SYNE2: variants seen among roughly 807,000 people sequenced by gnomAD.
SYNE2 encodes the protein nesprin-2.
A neutral mutation model predicts 856.3 loss-of-function variants in SYNE2; 431 were observed. The ratio of observed to expected loss-of-function variants is 0.50; its 90% CI spans 0.47 to 0.55. The LOEUF (loss-of-function observed/expected upper bound fraction) is 0.55, where lower values mean the gene tolerates loss of function less well. SYNE2 is among the 20% of genes least tolerant of loss of function. The probability of loss-of-function intolerance (pLI) is 0.00; values close to 1 mark genes in which losing one functional copy is unlikely to be tolerated. For synonymous variants in SYNE2, 2,923 were observed against 2,872.3 expected (o/e 1.02, Z -0.56); for missense variants, 8,129 against 8,023.2 (o/e 1.01, Z -0.50).
At chr14:64,125,339 A>G in intron 71 of SYNE2, 129 bp downstream of exon 71, 1 of 1,343,288 alleles carries the variant, frequency 7.4e-7, no homozygotes, top group Non-Finnish European at 1.0e-6. Context: ...GGGTCCTAGG[A>G]TTGCAAATTG....
chr14:64,100,526 AAAAAAAT>A (rs1478114082), intron 63 of SYNE2, among the ~76,000 whole-genome samples: 2 of 76,328 alleles, frequency 2.6e-5, no homozygotes, highest in Non-Finnish European at 4.6e-5. Context: ...AAAAAAAAAA[AAAAAAAT>A]ATATATATAT....
chr14:63,872,158 C>G (rs926901397), intron 1 of SYNE2, among the ~76,000 whole-genome samples: 1 of 152,194 alleles, frequency 6.6e-6, no homozygotes, highest in East Asian at 1.9e-4. Flanking sequence ...CAGCTTGGTG[C>G]GGTGGCTCAT....
Position 64,101,972 on chromosome 14 carries a change from C to T in SYNE2, c.12422C>T (p.Ser4141Phe). The T allele has an allele frequency of 6.2e-7, 1 of 1,614,096 alleles. No individual in the cohort carries two copies. Among genetic ancestry groups the T allele is most frequent in the Non-Finnish European group, 8.5e-7 (1 of 1,179,968 alleles). ...EKAEPSPQSW[S>F]SLWKHDKDME... ...GCAGAGCCATCGCCTCAGTCTTGGT[C>T]TTCACTTTGGAAGCATGACAAGGAC... Residue 4141 changes from serine to phenylalanine, a missense_variant, in exon 64 of 116, where the codon TCT (serine) becomes TTT (phenylalanine). Ser to Phe is a radical substitution (Grantham distance 155). Coordinates refer to ENST00000555002, the MANE Select transcript of SYNE2 (RefSeq NM_182914.3).
At chr14:63,844,045 A>T (rs1389842932) in intron 1 of SYNE2, among the ~76,000 whole-genome samples, 1 of 152,208 alleles carries the variant, frequency 6.6e-6, no homozygotes, top group Non-Finnish European at 1.5e-5. Context: ...TGCAAAGTCT[A>T]TAGTTTACAT....
At chr14:64,050,014 C>T (rs751814816) in intron 47 of SYNE2, 138 bp downstream of exon 47, 7 of 1,088,532 alleles carry the variant, frequency 6.4e-6, no homozygotes, top group South Asian at 3.2e-5. Context: ...AATGTTATTT[C>T]ATATGGATGC....
rs768422375 is a variant in SYNE2, at chr14:64,224,998, G to T, written c.20470-1G>T. The T allele has an allele frequency of 6.2e-7, 1 of 1,613,642 alleles. No individual in the cohort carries two copies. The highest frequency in any genetic ancestry group is 1.3e-5 in the African/African-American group (1 of 74,858). On this transcript the variant is annotated splice_acceptor_variant, in intron 114 of 115. Transcript: ENST00000555002. LOFTEE classifies it high-confidence loss of function. The stretch of plus-strand genomic sequence containing the variant: ...CTAACTGGAGTTTCTTTACCCAGCA[G>T]TTCAGAGCAGTGAGAACTACAGAAG...
At chr14:63,763,905 A>C (rs1455261199) in intron 1 of SYNE2, among the ~76,000 whole-genome samples, 2 of 152,122 alleles carry the variant, frequency 1.3e-5, no homozygotes, top group Non-Finnish European at 2.9e-5. Flanking sequence ...TCAAGGGTTC[A>C]CCTGAAGCGA....
intron 99 of SYNE2, among the ~76,000 whole-genome samples, chr14:64,195,935 C>G (rs1468312905): frequency 6.6e-6 from 1 of 152,180 alleles, no homozygotes; most frequent in Non-Finnish European, 1.5e-5. Flanking sequence ...CCTTCTGCCT[C>G]TAGAATGGGT....
intron 55 of SYNE2, among the ~76,000 whole-genome samples, chr14:64,080,072 CGT>C (rs998860528): frequency 2.0e-4 from 30 of 151,448 alleles, no homozygotes; most frequent in African/African-American, 7.1e-4. Context: ...TGTGCGCGTG[CGT>C]GTGTGTGTAT....
At chr14:63,891,392 A>T (rs1028934934) in intron 1 of SYNE2, among the ~76,000 whole-genome samples, 1 of 152,164 alleles carries the variant, frequency 6.6e-6, no homozygotes, top group African/African-American at 2.4e-5. Flanking sequence ...GGTGACTAGG[A>T]AATGTGTGAT....
At chr14:64,089,814 G>A (rs2097593950) in intron 59 of SYNE2, 118 bp downstream of exon 59, 1 of 856,158 alleles carries the variant, frequency 1.2e-6, no homozygotes, top group Non-Finnish European at 1.8e-6. Flanking sequence ...AGCAAAATAA[G>A]GTTGGGAAAT....
intron 1 of SYNE2, among the ~76,000 whole-genome samples, chr14:63,894,627 T>C (rs879566608): frequency 2.6e-5 from 4 of 152,046 alleles, no homozygotes; most frequent in Admixed American, 1.3e-4. Flanking sequence ...AGAGAGGAGA[T>C]TGAGGGGCAG....
chr14:64,177,379 A>G lies in SYNE2; in HGVS notation c.17452A>G (p.Lys5818Glu). 6.2e-7 allele frequency: 1 copy of G among 1,614,222 alleles called. No homozygotes were observed. The highest frequency in any genetic ancestry group is 8.5e-7 in the Non-Finnish European group (1 of 1,180,030). The stretch of plus-strand genomic sequence containing the variant: ...ATAGACCTGGGACCAGTGTGAAAAG[A>G]AAATCAAGGAGTTGAAAAGCAGGCT... ...TVETWDQCEK[K>E]IKELKSRLQV... The change falls in exon 96 of 116, where the codon AAA (lysine) becomes GAA (glutamate). Residue 5818 changes from lysine to glutamate, a missense_variant. Physicochemically the swap from Lys to Glu is moderately conservative, Grantham distance 56. Around this residue, in one of 3 missense-constraint regions of SYNE2, gnomAD observed 5,410 missense variants for 5,284.8 expected, o/e 1.02. Transcript: ENST00000555002.
At chr14:64,139,494 C>T (rs1366447527) in intron 79 of SYNE2, among the ~76,000 whole-genome samples, 1 of 152,048 alleles carries the variant, frequency 6.6e-6, no homozygotes, top group African/African-American at 2.4e-5. Context: ...TCACTGCAAC[C>T]TCCACCTCTT....
chr14:64,168,510 TTAAG>T (rs1261554464), intron 92 of SYNE2, among the ~76,000 whole-genome samples: 1 of 152,222 alleles, frequency 6.6e-6, no homozygotes, highest in Non-Finnish European at 1.5e-5. Flanking sequence ...CTGAGTGGCC[TTAAG>T]TAAGTTACTG....
Position 64,140,080 on chromosome 14 carries a change from T to C in SYNE2, c.14976+7T>C, listed in dbSNP as rs373748782. Reference sequence around the variant, plus strand: ...CAACATCAACAATTTTTTTGTAAGTTGTAATAGCATATGTTCAGTTAATTA... The same window carrying C: ...CAACATCAACAATTTTTTTGTAAGTCGTAATAGCATATGTTCAGTTAATTA... On this transcript the variant is annotated splice_region_variant and intron_variant, in intron 80 of 115. Coordinates refer to ENST00000555002, the MANE Select transcript of SYNE2 (RefSeq NM_182914.3). 1.1e-5 allele frequency: 18 copies of C among 1,612,350 alleles called. No individual in the cohort carries two copies. The Admixed American group carries it at 1.2e-4, about 10-fold the overall frequency.
chr14:64,158,621 C>A lies in SYNE2; in HGVS notation c.15793-4C>A. 6.2e-7 allele frequency: 1 copy of A among 1,613,716 alleles called. No homozygotes were observed. Among genetic ancestry groups the A allele is most frequent in the Non-Finnish European group, 8.5e-7 (1 of 1,179,774 alleles). ...AAATCAGTACGTTTCCACTTTTTGT[C>A]TAGGTCAATCAGCTCAAAACCTCCA... is the stretch of plus-strand genomic sequence containing the variant. On this transcript the variant is annotated splice_region_variant and splice_polypyrimidine_tract_variant and intron_variant, in intron 85 of 115. Coordinates refer to ENST00000555002, the MANE Select transcript of SYNE2 (RefSeq NM_182914.3).
At position 64,019,963 on chromosome 14, in the gene SYNE2, A is replaced by G. The variant is rs1346941665; in HGVS notation, c.5050-29A>G. The G allele has an allele frequency of 4.2e-6, 6 of 1,430,746 alleles. No individual in the cohort carries two copies. In the African/African-American group the frequency reaches 7.0e-5, roughly 17 times the overall value. 88.6% of individuals were successfully genotyped at this position (1,430,746 alleles called of 1,614,324 possible). A position where few individuals can be genotyped will look rare whatever the true frequency, so the allele number is the denominator to read the frequency against. On this transcript the variant is annotated intron_variant, in intron 34 of 115. Coordinates refer to ENST00000555002, the MANE Select transcript of SYNE2 (RefSeq NM_182914.3). ...AGAAAATAAGGTATGAAATAAAAAG[A>G]CACTATCCTTTAAAATTACATGTTT...
intron 47 of SYNE2, 130 bp from the exon 48 acceptor site, chr14:64,051,427 A>AT: frequency 1.1e-6 from 1 of 876,816 alleles, no homozygotes; most frequent in Non-Finnish European, 1.7e-6. Flanking sequence ...AGGATAGATT[A>AT]TTTTTACAGA....
Sources: gnomAD v4.1 joint callset for allele counts (sites outside exome capture counted in the v4.1 genomes callset) on GRCh38, gnomAD v4.1.1 for gene constraint, gnomAD v4.1.1 regional missense constraint, MANE v1.5 for transcripts, NCBI Gene and HGNC (gene_info 2026-07-23, HGNC 2026-07-21) for gene names.